The following ZBTB45 variants were observed in gnomAD, a reference collection of about 807,000 sequenced individuals.
ZBTB45 encodes zinc finger and BTB domain-containing protein 45.
A neutral mutation model predicts 28.4 loss-of-function variants in ZBTB45; 22 were observed. The observed-to-expected ratio is 0.77, with a 90% confidence interval of 0.55 to 1.10. ZBTB45 has a LOEUF of 1.10. Ranked by LOEUF, ZBTB45 falls within the 50% of genes least tolerant of loss-of-function variation. ZBTB45 has a pLI of 0.00. For synonymous variants in ZBTB45, 361 were observed against 332.3 expected, an observed-to-expected ratio of 1.09 and a Z score of -0.94; for missense variants, 656 against 750.2, an observed-to-expected ratio of 0.87 and a Z score of 1.47.
rs145560080 is a variant in ZBTB45, at chr19:58,517,700, A to G, written c.1-27T>C. 5.6e-5 allele frequency: 90 copies of G among 1,597,352 alleles called. No individual in the cohort carries two copies. In the African/African-American group the frequency reaches 1.0e-3, roughly 18 times the overall value. On this transcript the variant is annotated intron_variant, in intron 1 of 2. Coordinates refer to ENST00000594051, the MANE Select transcript of ZBTB45 (RefSeq NM_001316979.2). Reference sequence around the variant, plus strand: ...TGCACAGAACAAGAGGAGGGCAGGGAGAGGTCAACTGAGGACCCCCATCTG... The same window carrying G: ...TGCACAGAACAAGAGGAGGGCAGGGGGAGGTCAACTGAGGACCCCCATCTG...
At chr19:58,527,357 C>A (rs1310413157) in intron 1 of ZBTB45, among the ~76,000 whole-genome samples, 1 of 152,140 alleles carries the variant, frequency 6.6e-6, no homozygotes, top group African/African-American at 2.4e-5. Flanking sequence ...GTTGTGTAAC[C>A]TTCACCACTG....
At chr19:58,525,620 C>A (rs2053603212) in intron 1 of ZBTB45, among the ~76,000 whole-genome samples, 1 of 152,170 alleles carries the variant, frequency 6.6e-6, no homozygotes, top group Admixed American at 6.5e-5. Context: ...GTGGTAGAAG[C>A]AATGGCTGGG....
intron 1 of ZBTB45, among the ~76,000 whole-genome samples, chr19:58,530,715 G>T (rs1310105575): frequency 1.0e-4 from 15 of 147,134 alleles, no homozygotes; most frequent in Admixed American, 8.9e-4. Context: ...ACAGAGTCTC[G>T]CTCTGTCGCG....
chr19:58,522,209 T>A (rs140806581), upstream of ZBTB45, among the ~76,000 whole-genome samples: 173 of 151,092 alleles, frequency 1.1e-3, no homozygotes, highest in African/African-American at 4.0e-3. Context: ...TCCCCCAGGC[T>A]GGAGCGCAAT....
In ZBTB45 at chr19:58,517,188, CG is replaced by C; in HGVS notation, c.485del (p.Pro162ArgfsTer161). 6.2e-7 allele frequency: 1 copy of C among 1,603,982 alleles called. No homozygotes were observed. ...RLRHLLAARP[P>X]GHPGAAHSRK... ...GGCTGTGTGCAGCACCGGGGTGCCC[CG>C]GGGGACGTGCAGCCAGCAGGTGGCG... On this transcript the variant is annotated frameshift_variant, in exon 2 of 3. Transcript: ENST00000594051. LOFTEE classifies it high-confidence loss of function.
chr19:58,517,173 A>G lies in ZBTB45; in HGVS notation c.501T>C (p.Ala167=), dbSNP rs368524666. ...GCTGGCGCTGCTTACGGCTGTGTGC[A>G]GCACCGGGGTGCCCCGGGGGACGTG... ...LAARPPGHPG[A]AHSRKQRQPA... is the part of the protein sequence containing the mutation. Residue 167 remains alanine, a synonymous_variant, in exon 2 of 3, where the codon GCT becomes GCC. Transcript: ENST00000594051. 5 of 1,608,932 alleles carry G rather than the reference A, an allele frequency of 3.1e-6. No individual in the cohort carries two copies. In the African/African-American group the frequency reaches 6.7e-5, roughly 22 times the overall value.
upstream of ZBTB45, chr19:58,519,903 G>C (rs1233019890): frequency 2.0e-5 from 3 of 152,358 alleles, no homozygotes; most frequent in East Asian, 3.9e-4. Context: ...TTTTTATGGC[G>C]ATCAGCTCCC....
At position 58,515,015 on chromosome 19, in the gene ZBTB45, C is replaced by G. The variant is rs1357925706; in HGVS notation, c.1280-705G>C. On this transcript the variant is annotated intron_variant, in intron 2 of 2. Coordinates refer to ENST00000594051, the MANE Select transcript of ZBTB45 (RefSeq NM_001316979.2). This position sits in a 1 kb window ranked among gnomAD's most constrained non-coding sequence, Gnocchi z 4.7. ...GGCAGTCTGAGTCCACCCCTAGATT[C>G]ATCAGATGTTAACAAAATGCCTGTC... 1.3e-5 allele frequency among the ~76,000 whole-genome samples: 2 copies of G among 152,126 alleles called. No individual in the cohort carries two copies. Among genetic ancestry groups the G allele is most frequent in the African/African-American group, 4.8e-5 (2 of 41,406 alleles).
chr19:58,533,462 A>C (rs1243805970), intron 1 of ZBTB45, among the ~76,000 whole-genome samples: 6 of 152,224 alleles, frequency 3.9e-5, no homozygotes, highest in Admixed American at 3.9e-4. Context: ...AGCCTTCAAG[A>C]CTGGAGTGAT....
upstream of ZBTB45, among the ~76,000 whole-genome samples, chr19:58,522,590 G>GT (rs1388708850): frequency 6.6e-6 from 1 of 151,984 alleles, no homozygotes; most frequent in Non-Finnish European, 1.5e-5. Context: ...AGCTGAGATC[G>GT]TACCATTGCA....
chr19:58,537,157 G>T (rs1327454453), intron 1 of ZBTB45, among the ~76,000 whole-genome samples: 2 of 152,080 alleles, frequency 1.3e-5, no homozygotes, highest in Non-Finnish European at 2.9e-5. Flanking sequence ...CCCTGAGTCA[G>T]CTTGAGCCTG....
At chr19:58,518,989 C>T (rs1371251291) in intron 1 of ZBTB45, 1 of 152,440 alleles carries the variant, frequency 6.6e-6, no homozygotes, top group African/African-American at 2.4e-5. Flanking sequence ...TTGCATGCCC[C>T]ACATTTGACC....
At chr19:58,520,518 G>A (rs1000857965), upstream of ZBTB45, among the ~76,000 whole-genome samples, 1 of 152,030 alleles carries the variant, frequency 6.6e-6, no homozygotes, top group Non-Finnish European at 1.5e-5. Flanking sequence ...ATGGTGAAAG[G>A]GTTTTTGCGG....
chr19:58,517,263 G>A lies in ZBTB45; in HGVS notation c.411C>T (p.Pro137=), dbSNP rs535266853. ...APGTSAPTPL[P]TPVPPPLAPA... ...GTGCGAGTGGCGGGGGCACAGGGGT[G>A]GGCAGGGGCGTGGGCGCAGAGGTGC... The change falls in exon 2 of 3, where the codon CCC becomes CCT. Residue 137 remains proline (P), a synonymous_variant. Coordinates refer to ENST00000594051, the MANE Select transcript of ZBTB45 (RefSeq NM_001316979.2). 1.1e-5 allele frequency: 17 copies of A among 1,583,898 alleles called. No individual in the cohort carries two copies. The highest frequency in any genetic ancestry group is 1.7e-5 in the Admixed American group (1 of 57,928).
chr19:58,538,171 G>A (rs1010224153), intron 1 of ZBTB45, among the ~76,000 whole-genome samples: 5 of 151,612 alleles, frequency 3.3e-5, no homozygotes, highest in Non-Finnish European at 5.9e-5. Flanking sequence ...CCCACACCTC[G>A]CCCTGTGCAC....
chr19:58,534,402 T>C (rs934853703), intron 1 of ZBTB45, among the ~76,000 whole-genome samples: 3 of 151,952 alleles, frequency 2.0e-5, no homozygotes, highest in African/African-American at 7.3e-5. Context: ...TTATTATTAT[T>C]ATTATTTTTT....
At chr19:58,525,108 C>G (rs1753238344) in intron 1 of ZBTB45, among the ~76,000 whole-genome samples, 1 of 152,170 alleles carries the variant, frequency 6.6e-6, no homozygotes, top group Non-Finnish European at 1.5e-5. Flanking sequence ...CTTCCAGAAC[C>G]TCTCGGCTGT....
At chr19:58,536,667 A>T (rs529266439) in intron 1 of ZBTB45, among the ~76,000 whole-genome samples, 5 of 152,186 alleles carry the variant, frequency 3.3e-5, no homozygotes, top group Non-Finnish European at 7.4e-5. Flanking sequence ...AGAAGAAAAA[A>T]GAAATTTGAG....
At chr19:58,518,646 C>T (rs545931745) in intron 1 of ZBTB45, among the ~76,000 whole-genome samples, 1 of 152,128 alleles carries the variant, frequency 6.6e-6, no homozygotes, top group African/African-American at 2.4e-5. Context: ...ACTCTGGAAT[C>T]TGAGGAGTTC....
Sources: allele counts gnomAD v4.1 joint callset (sites outside exome capture counted in the v4.1 genomes callset), GRCh38; gene constraint gnomAD v4.1.1; non-coding constraint Gnocchi (gnomAD v3.1); transcripts MANE v1.5; gene names NCBI Gene and HGNC (gene_info 2026-07-23, HGNC 2026-07-21).